The following MASP1 variants were observed in gnomAD, a reference collection of about 807,000 sequenced individuals.
MASP1 encodes the protein mannan-binding lectin serine protease 1.
A neutral mutation model predicts 77.1 loss-of-function variants in MASP1; 59 were observed. That is an observed-to-expected ratio of 0.77 (90% CI 0.62 to 0.95). MASP1 has a LOEUF of 0.95. MASP1 is among the 40% of genes least tolerant of loss of function. The probability of loss-of-function intolerance (pLI) is 0.00; values close to 1 mark genes in which losing one functional copy is unlikely to be tolerated. For synonymous variants in MASP1, 362 were observed against 354.5 expected (o/e 1.02, Z -0.24); for missense variants, 885 against 912.9 (o/e 0.97, Z 0.39).
chr3:187,282,610 G>A (rs1717525283), intron 2 of MASP1, among the ~76,000 whole-genome samples: 1 of 152,080 alleles, frequency 6.6e-6, no homozygotes, highest in African/African-American at 2.4e-5. Context: ...GACATTCTGT[G>A]AGTTCTCAGC....
intron 1 of MASP1, among the ~76,000 whole-genome samples, chr3:187,289,101 C>A (rs1234968654): frequency 6.6e-6 from 1 of 152,144 alleles, no homozygotes; most frequent in African/African-American, 2.4e-5. Context: ...TGCTATCTAT[C>A]CTCCGGCTAA....
chr3:187,268,168 G>A (rs1326299384), intron 2 of MASP1, among the ~76,000 whole-genome samples: 1 of 152,156 alleles, frequency 6.6e-6, no homozygotes, highest in African/African-American at 2.4e-5. Flanking sequence ...CTTGTCTGCG[G>A]CAACTTAGAA....
At chr3:187,286,112 C>A in intron 1 of MASP1, 56 bp from the exon 2 acceptor site, 2 of 1,354,908 alleles carry the variant, frequency 1.5e-6, no homozygotes, top group South Asian at 1.2e-5. Context: ...CCCTGCCATT[C>A]ATCTCAATCA....
At position 187,239,938 on chromosome 3, in the gene MASP1, C is replaced by T. The variant is rs200389623; in HGVS notation, c.1303+1543G>A. Among the ~76,000 whole-genome samples the T allele has an allele frequency of 5.3e-5, 8 of 152,246 alleles. No individual in the cohort carries two copies. In the East Asian group the frequency reaches 5.8e-4, roughly 11 times the overall value. On this transcript the variant is annotated intron_variant, in intron 10 of 10. Transcript: ENST00000296280. ...GACTCCCAAATGCTAACATGTTCTT[C>T]GCTTCTTAAGGATGAATGGTAGACA...
chr3:187,289,304 A>T (rs955267955), intron 1 of MASP1, among the ~76,000 whole-genome samples: 1 of 152,052 alleles, frequency 6.6e-6, no homozygotes, highest in Non-Finnish European at 1.5e-5. Flanking sequence ...CCCACTCCAC[A>T]CCAAGACTCC....
intron 14 of MASP1, among the ~76,000 whole-genome samples, chr3:187,222,530 A>AC (rs1471635261): frequency 2.0e-5 from 3 of 152,072 alleles, no homozygotes; most frequent in Non-Finnish European, 4.4e-5. Context: ...GAGCCAAGCA[A>AC]CTCTTTGATG....
At chr3:187,289,894 C>T (rs2108618682) in intron 1 of MASP1, among the ~76,000 whole-genome samples, 1 of 152,302 alleles carries the variant, frequency 6.6e-6, no homozygotes, top group African/African-American at 2.4e-5. Flanking sequence ...TCTGAAACCC[C>T]CATGAGACAG....
At chr3:187,271,683 C>A (rs1015000169) in intron 2 of MASP1, among the ~76,000 whole-genome samples, 1 of 152,112 alleles carries the variant, frequency 6.6e-6, no homozygotes, top group African/African-American at 2.4e-5. Context: ...TAAAAAGAAA[C>A]TTGAGCTCAA....
chr3:187,249,172 C>T (rs1436917686), intron 8 of MASP1, among the ~76,000 whole-genome samples: 1 of 152,256 alleles, frequency 6.6e-6, no homozygotes, highest in Non-Finnish European at 1.5e-5. Flanking sequence ...ATTCTCCCGC[C>T]TCAGCCTCCC....
intron 6 of MASP1, 103 bp from the exon 7 acceptor site, chr3:187,251,855 G>A: frequency 1.1e-6 from 1 of 872,212 alleles, no homozygotes; most frequent in East Asian, 2.4e-5. Context: ...AATAAAACAT[G>A]GAACTGGGTA....
At chr3:187,228,908 A>C (rs891964802) in intron 11 of MASP1, among the ~76,000 whole-genome samples, 4 of 152,180 alleles carry the variant, frequency 2.6e-5, no homozygotes, top group African/African-American at 9.7e-5. Context: ...GCCTTGCCAA[A>C]GGGATCCCTG....
chr3:187,241,985 T>C, intron 9 of MASP1: 1 of 190,924 alleles, frequency 5.2e-6, no homozygotes, highest in Non-Finnish European at 1.1e-5. Context: ...GGAATCCCAC[T>C]CCTGCCTGGC....
At chr3:187,288,710 G>A (rs771600652) in intron 1 of MASP1, among the ~76,000 whole-genome samples, 24 of 152,160 alleles carry the variant, frequency 1.6e-4, no homozygotes, top group Non-Finnish European at 3.5e-4. Context: ...ATGCAAGGCC[G>A]AAAGGTCAAC....
At chr3:187,236,696 C>A in intron 10 of MASP1, 129 bp from the exon 11 acceptor site, 6 of 1,502,598 alleles carry the variant, frequency 4.0e-6, no homozygotes, top group Non-Finnish European at 5.5e-6. Context: ...CCTAACCTGC[C>A]TGGGTCATGC....
chr3:187,234,799 C>G lies in MASP1; in HGVS notation c.*885G>C. The G allele has an allele frequency of 7.8e-7, 1 of 1,287,140 alleles. No homozygotes were observed. The highest frequency in any genetic ancestry group is 1.0e-6 in the Non-Finnish European group (1 of 988,668). The allele number at this position is 1,287,140 out of a possible 1,614,324, so 79.7% of individuals were successfully genotyped here. On this transcript the variant is annotated 3_prime_UTR_variant, in exon 11 of 11. Coordinates refer to ENST00000296280, the MANE Select transcript of MASP1 (RefSeq NM_139125.4). The stretch of plus-strand genomic sequence containing the variant: ...AGGTAATCGACTAAGTCCCCATATT[C>G]GGGCCTGGGCTTCAGGTAGCCTTTC...
intron 4 of MASP1, 53 bp from the exon 5 acceptor site, chr3:187,256,913 G>A (rs1049805118): frequency 1.3e-6 from 2 of 1,505,264 alleles, no homozygotes; most frequent in Non-Finnish European, 1.8e-6. Context: ...GCCATAGCAA[G>A]CCTGGCTTAT....
intron 10 of MASP1, among the ~76,000 whole-genome samples, chr3:187,239,046 T>C (rs541968507): frequency 6.6e-6 from 1 of 152,222 alleles, no homozygotes; most frequent in South Asian, 2.1e-4. Context: ...ATGATGACCA[T>C]TAAAAGTCAT....
At chr3:187,218,498 A>G (rs1462660821) in exon 16 of MASP1, 5 of 152,576 alleles carry the variant, frequency 3.3e-5, no homozygotes, top group African/African-American at 1.2e-4. Context: ...TTACAGAATA[A>G]ACAGCAGGGC....
At chr3:187,280,713 A>T (rs950822811) in intron 2 of MASP1, among the ~76,000 whole-genome samples, 1 of 152,258 alleles carries the variant, frequency 6.6e-6, no homozygotes, top group Non-Finnish European at 1.5e-5. Context: ...AAAACTAGTC[A>T]TTCACAAGAT....
Sources: allele counts gnomAD v4.1 joint callset (sites outside exome capture counted in the v4.1 genomes callset), GRCh38; gene constraint gnomAD v4.1.1; transcripts MANE v1.5; gene names NCBI Gene and HGNC (gene_info 2026-07-23, HGNC 2026-07-21).